The following TRAPPC8 variants were observed in gnomAD, a reference collection of about 807,000 sequenced individuals.
The protein encoded by TRAPPC8 is general sporulation gene 1 homolog.
Under a neutral mutation model 174.3 loss-of-function variants are expected in TRAPPC8, and 54 were observed. That is an observed-to-expected ratio of 0.31 (90% CI 0.25 to 0.39). TRAPPC8 has a LOEUF of 0.39. TRAPPC8 is among the 10% of genes least tolerant of loss of function. The pLI is 1.00. For synonymous variants in TRAPPC8, 630 were observed against 579.9 expected (o/e 1.09, Z -1.24); for missense variants, 1,531 against 1,699.1 (o/e 0.90, Z 1.74).
At chr18:31,898,695 GT>G (rs911942582) in intron 10 of TRAPPC8, among the ~76,000 whole-genome samples, 3 of 151,924 alleles carry the variant, frequency 2.0e-5, no homozygotes, top group African/African-American at 7.3e-5. Context: ...TCCAATTTTA[GT>G]TTTTTTTGTA....
rs564675608 is a variant in TRAPPC8, at chr18:31,866,615, T to G, written c.2590+234A>C. On this transcript the variant is annotated intron_variant, in intron 18 of 28. Transcript: ENST00000283351. ...GGATCAGTGACAGAAAAAAATACAGTCTAAAAATTAACAAAAGAAAATATA... is the reference window on the plus strand; with the variant it reads ...GGATCAGTGACAGAAAAAAATACAGGCTAAAAATTAACAAAAGAAAATATA... Among the ~76,000 whole-genome samples, 24 of 152,256 alleles carry G rather than the reference T, an allele frequency of 1.6e-4. No individual in the cohort carries two copies. In the East Asian group the frequency reaches 3.7e-3, roughly 23 times the overall value.
At chr18:31,876,065 G>A (rs2035127227) in intron 12 of TRAPPC8, among the ~76,000 whole-genome samples, 1 of 152,152 alleles carries the variant, frequency 6.6e-6, no homozygotes, top group Non-Finnish European at 1.5e-5. Flanking sequence ...ATGGTTCTAA[G>A]GTGATGGATA....
At position 31,871,093 on chromosome 18, in the gene TRAPPC8, C is replaced by CT; in HGVS notation, c.2089dup (p.Ser697LysfsTer3). The CT allele has an allele frequency of 6.3e-7, 1 of 1,577,822 alleles. No homozygotes were observed. Among genetic ancestry groups the CT allele is most frequent in the Non-Finnish European group, 8.6e-7 (1 of 1,158,146 alleles). On this transcript the variant is annotated frameshift_variant, in exon 15 of 29. Coordinates refer to ENST00000283351, the MANE Select transcript of TRAPPC8 (RefSeq NM_014939.5). LOFTEE classifies it high-confidence loss of function. ...TTCAGAATCATATTCTTGATCAAGA[C>CT]TTACATGAGTAGCTGCTTGTTTTTC...
At chr18:31,895,533 A>T (rs1369849104) in intron 11 of TRAPPC8, among the ~76,000 whole-genome samples, 1 of 152,238 alleles carries the variant, frequency 6.6e-6, no homozygotes, top group Admixed American at 6.5e-5. Flanking sequence ...AGTTGGAAAG[A>T]AGAGAAAAAT....
At chr18:31,835,120 A>G (rs1267967036) in intron 27 of TRAPPC8, among the ~76,000 whole-genome samples, 1 of 152,202 alleles carries the variant, frequency 6.6e-6, no homozygotes, top group Non-Finnish European at 1.5e-5. Flanking sequence ...CATTCTAACA[A>G]ACACAGTGAC....
chr18:31,935,503 G>T (rs367790259), intron 1 of TRAPPC8, among the ~76,000 whole-genome samples: 4 of 131,738 alleles, frequency 3.0e-5, no homozygotes, highest in Non-Finnish European at 4.6e-5. Context: ...AGCCAAGATC[G>T]TGCCATTGCA....
At chr18:31,893,316 C>G (rs1003177360) in intron 11 of TRAPPC8, among the ~76,000 whole-genome samples, 1 of 152,050 alleles carries the variant, frequency 6.6e-6, no homozygotes, top group Non-Finnish European at 1.5e-5. Context: ...GATATTACAT[C>G]AAACTAAGAA....
chr18:31,871,593 G>GATACAC (rs1260486141), intron 14 of TRAPPC8, among the ~76,000 whole-genome samples: 1 of 151,972 alleles, frequency 6.6e-6, no homozygotes, highest in African/African-American at 2.4e-5. Context: ...CAAAGTTAAA[G>GATACAC]TGTATCATTT....
chr18:31,900,136 G>A (rs521491), intron 10 of TRAPPC8, among the ~76,000 whole-genome samples: 102,656 of 151,912 alleles, frequency 0.68, 35,742 homozygotes, highest in African/African-American at 0.83. Flanking sequence ...CCAAAGGCTG[G>A]GACAGGAGAA....
chr18:31,838,177 C>T (rs1358256877), intron 27 of TRAPPC8, among the ~76,000 whole-genome samples: 2 of 152,146 alleles, frequency 1.3e-5, no homozygotes, highest in Admixed American at 1.3e-4. Context: ...AAGTCACTGT[C>T]AAGGTCTTAA....
chr18:31,912,416 G>C (rs949098997), intron 5 of TRAPPC8, among the ~76,000 whole-genome samples: 2 of 152,172 alleles, frequency 1.3e-5, no homozygotes, highest in South Asian at 2.1e-4. Context: ...GCTTGAACAT[G>C]GGAAGTGGAG....
rs1423801842 is a variant in TRAPPC8, at chr18:31,864,776, A to T, written c.2596T>A (p.Tyr866Asn). The T allele has an allele frequency of 6.3e-7, 1 of 1,599,334 alleles. No homozygotes were observed. Among genetic ancestry groups the T allele is most frequent in the Admixed American group, 1.8e-5 (1 of 56,572 alleles). ...CCTCGGACTGACATACTCAAGGAAT[A>T]TTTTCCTGAAATAAAAAACAATCAA... ...GALPGCHTGK[Y>N]SLSMSVRGKQ... The change falls in exon 19 of 29, where the codon TAT becomes AAT. Residue 866 changes from tyrosine (Y) to asparagine (N), a missense_variant. Physicochemically the swap from Tyr to Asn is moderately radical, Grantham distance 143 (BLOSUM62 -2). Coordinates refer to ENST00000283351, the MANE Select transcript of TRAPPC8 (RefSeq NM_014939.5).
At chr18:31,905,596 T>C (rs1044623080) in intron 9 of TRAPPC8, among the ~76,000 whole-genome samples, 4 of 152,222 alleles carry the variant, frequency 2.6e-5, no homozygotes, top group Non-Finnish European at 5.9e-5. Flanking sequence ...ATCTAGATTA[T>C]TTAGGTAATC....
chr18:31,876,212 C>T (rs763311665), intron 12 of TRAPPC8, among the ~76,000 whole-genome samples: 4 of 151,828 alleles, frequency 2.6e-5, no homozygotes, highest in Admixed American at 1.3e-4. Context: ...CGCTTACAGC[C>T]GGGAGGGGTG....
At position 31,917,648 on chromosome 18, in the gene TRAPPC8, C is replaced by T; in HGVS notation, c.372G>A (p.Glu124=). ...LNISATTPWF[E]SYRETFLQSM... ...ACTGAAGAAAGGTTTCTCTGTAAGA[C>T]TCAAACCATGGAGTAGTGGCTAAAA... The change falls in exon 3 of 29, where the codon GAG becomes GAA. Residue 124 remains glutamate, a synonymous_variant. Transcript: ENST00000283351. 6.2e-7 allele frequency: 1 copy of T among 1,613,084 alleles called. No homozygotes were observed. The highest frequency in any genetic ancestry group is 8.5e-7 in the Non-Finnish European group (1 of 1,179,638).
intron 12 of TRAPPC8, among the ~76,000 whole-genome samples, chr18:31,882,960 C>T (rs1478319034): frequency 6.7e-6 from 1 of 148,682 alleles, no homozygotes; most frequent in Non-Finnish European, 1.5e-5. Context: ...CGCAGTGGCT[C>T]ACACCTGTAA....
intron 3 of TRAPPC8, among the ~76,000 whole-genome samples, chr18:31,916,735 T>C (rs1286963490): frequency 6.6e-6 from 1 of 151,856 alleles, no homozygotes; most frequent in Non-Finnish European, 1.5e-5. Flanking sequence ...GGTTTCACCA[T>C]GTTGGCCAGG....
At chr18:31,880,091 AT>A (rs756473803) in intron 12 of TRAPPC8, among the ~76,000 whole-genome samples, 12,678 of 69,590 alleles carry the variant, frequency 0.18, 1,047 homozygotes, top group East Asian at 0.3. Flanking sequence ...GAAAAAAAAA[AT>A]ATATATATAT....
intron 1 of TRAPPC8, among the ~76,000 whole-genome samples, chr18:31,932,791 G>A (rs1259089992): frequency 2.0e-5 from 3 of 151,774 alleles, no homozygotes; most frequent in African/African-American, 7.3e-5. Flanking sequence ...AGACCAGCCT[G>A]GCCAACATAG....
Sources: gnomAD v4.1 joint callset for allele counts (sites outside exome capture counted in the v4.1 genomes callset) on GRCh38, gnomAD v4.1.1 for gene constraint, MANE v1.5 for transcripts, NCBI Gene and HGNC (gene_info 2026-07-23, HGNC 2026-07-21) for gene names.